RANBP3: variants seen among roughly 807,000 people sequenced by gnomAD.
RANBP3 encodes ran-binding protein 3.
A neutral mutation model predicts 77.3 loss-of-function variants in RANBP3; 14 were observed. The ratio of observed to expected loss-of-function variants is 0.18; its 90% confidence interval spans 0.12 to 0.28. The LOEUF (loss-of-function observed/expected upper bound fraction) is 0.28, where lower values mean the gene tolerates loss of function less well. Among genes scored for constraint, RANBP3 ranks in the 10% least tolerant of loss-of-function variants. The probability of loss-of-function intolerance (pLI) is 1.00; values close to 1 mark genes in which losing one functional copy is unlikely to be tolerated. For synonymous variants in RANBP3, 315 were observed against 312.4 expected, an observed-to-expected ratio of 1.01 and a Z score of -0.09; for missense variants, 586 against 752.3, an observed-to-expected ratio of 0.78 and a Z score of 2.59.
intron 3 of RANBP3, among the ~76,000 whole-genome samples, chr19:5,942,053 A>G (rs2058144706): frequency 6.6e-6 from 1 of 152,284 alleles, no homozygotes; most frequent in South Asian, 2.1e-4. Context: ...GAATCCTCTC[A>G]GTGGCTGGGA....
At chr19:5,938,067 A>G (rs535294718) in intron 5 of RANBP3, among the ~76,000 whole-genome samples, 2 of 151,786 alleles carry the variant, frequency 1.3e-5, no homozygotes, top group African/African-American at 2.4e-5. Flanking sequence ...GGTCGGCTCA[A>G]AACAGTTTGC....
Position 5,976,154 on chromosome 19 carries a change from A to T in RANBP3, c.22+1907T>A, listed in dbSNP as rs58232353. 9.6e-4 allele frequency among the ~76,000 whole-genome samples: 146 copies of T among 152,316 alleles called. 1 individual carries two copies. The highest frequency in any genetic ancestry group is 3.3e-3 in the African/African-American group (137 of 41,556). ...GACTTCAAGGTTTGGGGCCAGAAGA[A>T]TTCAAAGAATGGACCTGCCTAACTA... On this transcript the variant is annotated intron_variant, in intron 1 of 16. Transcript: ENST00000340578.
At chr19:5,923,122 G>A (rs982189977) in intron 13 of RANBP3, 72 bp downstream of exon 13, 26 of 1,234,062 alleles carry the variant, frequency 2.1e-5, no homozygotes, top group African/African-American at 8.9e-5. Context: ...GAGGATGTGG[G>A]CCCAGCCCTT....
chr19:5,917,486 G>A lies in RANBP3; in HGVS notation c.*124C>T, dbSNP rs2057753527. 1 of 1,139,352 alleles carries A rather than the reference G, an allele frequency of 8.8e-7. No homozygotes were observed. The highest frequency in any genetic ancestry group is 1.2e-6 in the Non-Finnish European group (1 of 819,698). 70.6% of individuals were successfully genotyped at this position (1,139,352 alleles called of 1,614,324 possible). A position where few individuals can be genotyped will look rare whatever the true frequency, so the allele number is the denominator to read the frequency against. On this transcript the variant is annotated 3_prime_UTR_variant, in exon 17 of 17. Coordinates refer to ENST00000340578, the MANE Select transcript of RANBP3 (RefSeq NM_007322.3). ...ACAGGACGTGCGGGTCCAGACTGTG[G>A]CCGGCCCAGTGGGGTGTGTGGTTCC...
intron 3 of RANBP3, among the ~76,000 whole-genome samples, chr19:5,947,437 T>C (rs1358744762): frequency 6.6e-6 from 1 of 152,146 alleles, no homozygotes; most frequent in East Asian, 1.9e-4. Flanking sequence ...AAGAGCCCCA[T>C]TTCCTCCTCC....
intron 9 of RANBP3, among the ~76,000 whole-genome samples, chr19:5,927,325 G>A (rs777313326): frequency 4.6e-5 from 7 of 152,150 alleles, no homozygotes; most frequent in Non-Finnish European, 8.8e-5. Context: ...GGTGGCAGAC[G>A]CTTTGCTCCC....
intron 12 of RANBP3, 82 bp downstream of exon 12, chr19:5,923,730 C>T: frequency 8.6e-7 from 1 of 1,168,884 alleles, no homozygotes; most frequent in South Asian, 1.3e-5. Context: ...CCTTATCCCT[C>T]CCGGCTGGGG....
At chr19:5,951,355 C>G in intron 3 of RANBP3, 38 bp downstream of exon 3, 1 of 1,533,062 alleles carries the variant, frequency 6.5e-7, no homozygotes, top group Non-Finnish European at 8.8e-7. Flanking sequence ...GTTGGGCTCC[C>G]CCTGGGCGGT....
At chr19:5,957,140 C>T (rs2058344306) in intron 2 of RANBP3, among the ~76,000 whole-genome samples, 1 of 152,166 alleles carries the variant, frequency 6.6e-6, no homozygotes, top group Admixed American at 6.5e-5. Flanking sequence ...GTGAGGGTCC[C>T]CATGCAAGCT....
At chr19:5,975,286 G>C (rs1034050136) in intron 1 of RANBP3, among the ~76,000 whole-genome samples, 5 of 152,158 alleles carry the variant, frequency 3.3e-5, no homozygotes, top group African/African-American at 1.2e-4. Context: ...GGGACAACGT[G>C]CTAGGTGAGT....
chr19:5,969,875 T>C (rs1486101717), intron 1 of RANBP3, among the ~76,000 whole-genome samples: 3 of 152,268 alleles, frequency 2.0e-5, no homozygotes, highest in East Asian at 1.9e-4. Flanking sequence ...ATGATGTCCA[T>C]TGAGGCCTAC....
intron 2 of RANBP3, among the ~76,000 whole-genome samples, chr19:5,953,964 C>T (rs754126593): frequency 5.3e-5 from 8 of 152,214 alleles, no homozygotes; most frequent in Admixed American, 1.3e-4. Context: ...GGCACCCACA[C>T]GCAGGCCACG....
At chr19:5,954,791 C>T (rs1186065017) in intron 2 of RANBP3, among the ~76,000 whole-genome samples, 1 of 152,224 alleles carries the variant, frequency 6.6e-6, no homozygotes, top group African/African-American at 2.4e-5. Context: ...CACACTGCAG[C>T]TGCTCCCTGC....
In RANBP3 at chr19:5,960,683, T is replaced by G. The variant is rs2058388926; in HGVS notation, c.23-2710A>C. Among the ~76,000 whole-genome samples the G allele has an allele frequency of 2.0e-5, 3 of 151,884 alleles. No individual in the cohort carries two copies. In the East Asian group the frequency reaches 5.8e-4, roughly 29 times the overall value. The stretch of plus-strand genomic sequence containing the variant: ...GAAGGGCTAGAAGAGAGAGAACCAT[T>G]TGGATGGGAGAGGAGTGCGCGCTGG... On this transcript the variant is annotated intron_variant, in intron 1 of 16. Coordinates refer to ENST00000340578, the MANE Select transcript of RANBP3 (RefSeq NM_007322.3).
In RANBP3 at chr19:5,954,147, C is replaced by T. The variant is rs538365522; in HGVS notation, c.79-2551G>A. Among the ~76,000 whole-genome samples the T allele has an allele frequency of 8.5e-5, 13 of 152,276 alleles. No individual in the cohort carries two copies. In the East Asian group the frequency reaches 2.1e-3, roughly 25 times the overall value. On this transcript the variant is annotated intron_variant, in intron 2 of 16. Transcript: ENST00000340578. The stretch of plus-strand genomic sequence containing the variant: ...TCATGATTCAGCAATAAAACCTGAG[C>T]ATAAAGAGCTGTCTCCTTTGAATGG...
chr19:5,974,739 C>G (rs182208395), intron 1 of RANBP3, among the ~76,000 whole-genome samples: 1 of 152,166 alleles, frequency 6.6e-6, no homozygotes, highest in Admixed American at 6.5e-5. Context: ...CCTGCCTGCA[C>G]ATGAGAATCA....
intron 1 of RANBP3, among the ~76,000 whole-genome samples, chr19:5,973,411 A>C (rs1049525482): frequency 3.9e-5 from 6 of 152,198 alleles, no homozygotes; most frequent in Non-Finnish European, 2.9e-5. Context: ...TTCCACTGTC[A>C]TGACTGGCGG....
At chr19:5,962,496 T>C (rs1023317208) in intron 1 of RANBP3, among the ~76,000 whole-genome samples, 1 of 152,018 alleles carries the variant, frequency 6.6e-6, no homozygotes, top group African/African-American at 2.4e-5. Flanking sequence ...AACCGGCAGT[T>C]AGAGGGTGAA....
chr19:5,925,780 T>A, intron 9 of RANBP3, 43 bp from the exon 10 acceptor site: 6 of 1,251,000 alleles, frequency 4.8e-6, no homozygotes, highest in Non-Finnish European at 5.8e-6. Context: ...GGTGGGGGGG[T>A]GCCTGGAGTT....
Sources: allele counts gnomAD v4.1 joint callset (sites outside exome capture counted in the v4.1 genomes callset), GRCh38; gene constraint gnomAD v4.1.1; transcripts MANE v1.5; gene names NCBI Gene and HGNC (gene_info 2026-07-23, HGNC 2026-07-21).